Variants in KIF26A observed in about 807,000 individuals in gnomAD.
KIF26A encodes the protein kinesin-like protein KIF26A.
KIF26A carries 74 observed loss-of-function variants against 126.0 expected under a neutral mutation model. That is an observed-to-expected ratio of 0.59 (90% CI 0.49 to 0.71). The LOEUF is 0.71. Among genes scored for constraint, KIF26A ranks in the 30% least tolerant of loss-of-function variants. The probability of loss-of-function intolerance (pLI) is 0.00; values close to 1 mark genes in which losing one functional copy is unlikely to be tolerated. For missense variants in KIF26A, 2,984 were observed against 2,763.3 expected, an observed-to-expected ratio of 1.08 and a Z score of -1.79; for synonymous variants, 1,445 against 1,232.7, an observed-to-expected ratio of 1.17 and a Z score of -3.61.
In KIF26A at chr14:104,157,797, C is replaced by G. The variant is rs751694499; in HGVS notation, c.778C>G (p.Arg260Gly). Reference protein sequence around the residue: ...VAAVAVADTVRECPPVAGPDG... With the variant: ...VAAVAVADTVGECPPVAGPDG... ...GGCCGTGGCGGTGGCAGACACGGTC[C>G]GAGAATGCCCCCCCGTGGCCGGCCC... Residue 260 changes from arginine to glycine, a missense_variant, in exon 4 of 15, where the codon CGA becomes GGA. Physicochemically the swap from Arg to Gly is moderately radical, Grantham distance 125. Transcript: ENST00000423312. 4 of 1,610,160 alleles carry G rather than the reference C, an allele frequency of 2.5e-6. No individual in the cohort carries two copies. Among genetic ancestry groups the G allele is most frequent in the Non-Finnish European group, 3.4e-6 (4 of 1,178,834 alleles).
At chr14:104,171,002 A>G (rs1357747853) in intron 5 of KIF26A, among the ~76,000 whole-genome samples, 3 of 152,172 alleles carry the variant, frequency 2.0e-5, no homozygotes, top group African/African-American at 4.8e-5. Flanking sequence ...TGGAAGCCCA[A>G]CCCACCCTCA....
chr14:104,147,144 C>A (rs2037687719), intron 2 of KIF26A, among the ~76,000 whole-genome samples: 1 of 152,162 alleles, frequency 6.6e-6, no homozygotes, highest in South Asian at 2.1e-4. Context: ...ACTGAGCATG[C>A]CTCTGAGCAT....
At position 104,157,793 on chromosome 14, in the gene KIF26A, G is replaced by T; in HGVS notation, c.774G>T (p.Thr258=). 1.2e-6 allele frequency: 2 copies of T among 1,610,324 alleles called. No individual in the cohort carries two copies. Among genetic ancestry groups the T allele is most frequent in the Middle Eastern group, 1.7e-4 (1 of 6,046 alleles). Residue 258 remains threonine, a synonymous_variant, in exon 4 of 15, where the codon ACG becomes ACT. Coordinates refer to ENST00000423312, the MANE Select transcript of KIF26A (RefSeq NM_015656.2). ...TGGCGGCCGTGGCGGTGGCAGACACGGTCCGAGAATGCCCCCCCGTGGCCG... is the reference window on the plus strand; with the variant it reads ...TGGCGGCCGTGGCGGTGGCAGACACTGTCCGAGAATGCCCCCCCGTGGCCG... The part of the protein sequence containing the change: ...AAVAAVAVAD[T]VRECPPVAGP...
chr14:104,179,496 A>G lies in KIF26A; in HGVS notation c.5467+110A>G, dbSNP rs1386720545. On this transcript the variant is annotated intron_variant, in intron 14 of 14. Coordinates refer to ENST00000423312, the MANE Select transcript of KIF26A (RefSeq NM_015656.2). The stretch of plus-strand genomic sequence containing the variant: ...CTGTACCTCGTGGTGGGAAGGCTGG[A>G]AGGCAGGGTCGGCCGGGCCAAGATG... 4 of 1,425,280 alleles carry G rather than the reference A, an allele frequency of 2.8e-6. No individual in the cohort carries two copies. In the East Asian group the frequency reaches 1.0e-4, roughly 36 times the overall value. 88.3% of individuals were successfully genotyped at this position (1,425,280 alleles called of 1,614,324 possible).
intron 5 of KIF26A, among the ~76,000 whole-genome samples, chr14:104,167,677 T>C (rs1457830068): frequency 6.6e-6 from 1 of 152,172 alleles, no homozygotes; most frequent in Non-Finnish European, 1.5e-5. Flanking sequence ...CCCTGCCTTG[T>C]GCTGGGAGCT....
intron 5 of KIF26A, 83 bp downstream of exon 5, chr14:104,167,131 G>C: frequency 2.2e-6 from 3 of 1,349,996 alleles, no homozygotes; most frequent in Non-Finnish European, 1.9e-6. Flanking sequence ...GGGAGTGGAG[G>C]GGCTGCCACT....
chr14:104,151,373 G>A lies in KIF26A; in HGVS notation c.289-642G>A, dbSNP rs114037988. 6.6e-6 allele frequency among the ~76,000 whole-genome samples: 1 copy of A among 152,132 alleles called. No individual in the cohort carries two copies. The highest frequency in any genetic ancestry group is 2.1e-4 in the South Asian group (1 of 4,830). ...CCCAGCGTACAGCTCAGACCTGGGT[G>A]GGGGAGCTGGTGGAGTGTGCGGCGG... On this transcript the variant is annotated intron_variant, in intron 2 of 14. Transcript: ENST00000423312. The surrounding 1 kb of genome is among the most constrained non-coding windows in gnomAD (Gnocchi z 4.9).
Position 104,177,405 on chromosome 14 carries a change from G to T in KIF26A, c.4617G>T (p.Arg1539=). 3.3e-6 allele frequency: 5 copies of T among 1,499,184 alleles called. No homozygotes were observed. Among genetic ancestry groups the T allele is most frequent in the Non-Finnish European group, 4.4e-6 (5 of 1,128,366 alleles). 92.9% of individuals were successfully genotyped at this position (1,499,184 alleles called of 1,614,324 possible). A position where few individuals can be genotyped will look rare whatever the true frequency, so the allele number is the denominator to read the frequency against. The part of the protein sequence containing the change: ...GPVAGPRAAP[R]AGPSVGAKAG... ...TGGCCGGTCCCAGAGCAGCCCCACG[G>T]GCCGGGCCCAGTGTCGGGGCGAAGG... The change falls in exon 12 of 15, where the codon CGG becomes CGT. Residue 1539 remains arginine, a synonymous_variant. Coordinates refer to ENST00000423312, the MANE Select transcript of KIF26A (RefSeq NM_015656.2).
rs1002374621 is a variant in KIF26A at position 104,175,970 on chromosome 14, G to T, written c.3182G>T (p.Cys1061Phe). ...AGCCTGGCTAGCTTCGACAGTGACT[G>T]CTCCCTGCGGGCCCTGGCCTCGGGG... ...PTSLASFDSD[C>F]SLRALASGSR... is the part of the protein sequence containing the mutation. The change falls in exon 12 of 15, where the codon TGC (cysteine) becomes TTC (phenylalanine). Residue 1061 changes from cysteine (C) to phenylalanine (F), a missense_variant. Cys to Phe is a radical substitution (Grantham distance 205, BLOSUM62 -2). Transcript: ENST00000423312. The T allele has an allele frequency of 2.5e-6, 4 of 1,573,966 alleles. No individual in the cohort carries two copies. Among genetic ancestry groups the T allele is most frequent in the African/African-American group, 2.7e-5 (2 of 74,346 alleles).
chr14:104,139,183 C>T lies in KIF26A; in HGVS notation c.183C>T (p.Gly61=). The T allele has an allele frequency of 6.5e-7, 1 of 1,545,784 alleles. No individual in the cohort carries two copies. Residue 61 remains glycine (G), a synonymous_variant, in exon 2 of 15, where the codon GGC becomes GGT. Coordinates refer to ENST00000423312, the MANE Select transcript of KIF26A (RefSeq NM_015656.2). ...PEGAGAGPEQ[G]HSAGGGGWCR... is the part of the protein sequence containing the mutation. ...GCGCCGGGGCCGGCCCAGAGCAGGG[C>T]CACTCGGCCGGCGGAGGCGGCTGGT...
chr14:104,178,209 G>GCC (rs1566867241), intron 12 of KIF26A, among the ~76,000 whole-genome samples: 5 of 152,220 alleles, frequency 3.3e-5, no homozygotes, highest in Admixed American at 6.5e-5. Flanking sequence ...CCAGGCTGGG[G>GCC]CACTGGACTC....
chr14:104,140,797 CTT>C (rs1017469507), intron 2 of KIF26A, among the ~76,000 whole-genome samples: 3 of 152,182 alleles, frequency 2.0e-5, no homozygotes, highest in Non-Finnish European at 4.4e-5. Flanking sequence ...GGAAACTCCT[CTT>C]GAGTGCCAGC....
intron 3 of KIF26A, among the ~76,000 whole-genome samples, chr14:104,155,647 G>A (rs970916556): frequency 2.0e-5 from 3 of 152,200 alleles, no homozygotes; most frequent in African/African-American, 4.8e-5. Flanking sequence ...CTCTGCTTCC[G>A]GCAGGAATTG....
In KIF26A at chr14:104,176,335, G is replaced by C; in HGVS notation, c.3547G>C (p.Val1183Leu). 6 of 1,584,986 alleles carry C rather than the reference G, an allele frequency of 3.8e-6. No homozygotes were observed. Among genetic ancestry groups the C allele is most frequent in the Non-Finnish European group, 5.2e-6 (6 of 1,162,508 alleles). The change falls in exon 12 of 15, where the codon GTG becomes CTG. Residue 1183 changes from valine to leucine, a missense_variant. Physicochemically the swap from Val to Leu is conservative, Grantham distance 32. Coordinates refer to ENST00000423312, the MANE Select transcript of KIF26A (RefSeq NM_015656.2). ...TCCGTGCCCTGGGGAAGTGGCTGCA[G>C]TGGCCCCATCCCGACCCGGCAGGGA... ...WGPCPGEVAA[V>L]APSRPGREPQ...
chr14:104,166,827 C>G, intron 4 of KIF26A, 32 bp from the exon 5 acceptor site: 1 of 1,519,228 alleles, frequency 6.6e-7, no homozygotes, highest in Non-Finnish European at 8.9e-7. Context: ...CTGTCACCCA[C>G]CACTGATCCT....
chr14:104,175,318 C>T lies in KIF26A; in HGVS notation c.2530C>T (p.Leu844=). 6.2e-7 allele frequency: 1 copy of T among 1,604,428 alleles called. No individual in the cohort carries two copies. Among genetic ancestry groups the T allele is most frequent in the Non-Finnish European group, 8.5e-7 (1 of 1,179,558 alleles). ...CTTCCGCTGCAGCACCTTCGCGGAG[C>T]TGCAGGAGCGGCTGGAATGCATGGA... ...DHFRCSTFAE[L]QERLECMDGN... The change falls in exon 12 of 15, where the codon CTG becomes TTG. Residue 844 remains leucine (L), a synonymous_variant. Transcript: ENST00000423312.
At position 104,152,743 on chromosome 14, in the gene KIF26A, A is replaced by G. The variant is rs1375611810; in HGVS notation, c.735+282A>G. ...TTGAGACTGGGGCTGAGGGCCCACC[A>G]GTGCCCAGCACAGGGCTTGGCGATG... On this transcript the variant is annotated intron_variant, in intron 3 of 14. Transcript: ENST00000423312. This position sits in a 1 kb window ranked among gnomAD's most constrained non-coding sequence, Gnocchi z 5.9. Among the ~76,000 whole-genome samples the G allele has an allele frequency of 6.6e-6, 1 of 152,188 alleles. No individual in the cohort carries two copies. The highest frequency in any genetic ancestry group is 2.4e-5 in the African/African-American group (1 of 41,446).
Position 104,180,792 on chromosome 14 carries a change from T to C in KIF26A, c.*1002T>C, listed in dbSNP as rs2038094881. The C allele has an allele frequency of 1.3e-5, 2 of 154,314 alleles. No homozygotes were observed. The highest frequency in any genetic ancestry group is 2.9e-5 in the Non-Finnish European group (2 of 68,208). The allele number at this position is 154,314 out of a possible 1,614,324, so 9.6% of individuals were successfully genotyped here. A position where few individuals can be genotyped will look rare whatever the true frequency, so the allele number is the denominator to read the frequency against. ...GTCCCCGCACGACAGGCTCATACTT[T>C]CTGAGGATCGTGCATAGCATAGGAC... On this transcript the variant is annotated 3_prime_UTR_variant, in exon 15 of 15. Coordinates refer to ENST00000423312, the MANE Select transcript of KIF26A (RefSeq NM_015656.2).
intron 3 of KIF26A, among the ~76,000 whole-genome samples, chr14:104,157,364 G>A (rs1169137324): frequency 1.3e-5 from 2 of 152,196 alleles, no homozygotes; most frequent in South Asian, 2.1e-4. Flanking sequence ...AGGCTCAGGG[G>A]TGAGAGGGTG....
Sources: gnomAD v4.1 joint callset for allele counts (sites outside exome capture counted in the v4.1 genomes callset) on GRCh38, gnomAD v4.1.1 for gene constraint, Gnocchi (gnomAD v3.1) non-coding constraint, MANE v1.5 for transcripts, NCBI Gene and HGNC (gene_info 2026-07-23, HGNC 2026-07-21) for gene names.